The following MTMR8 variants were observed in gnomAD, a reference collection of about 807,000 sequenced individuals.
The protein encoded by MTMR8 is myotubularin related protein 8.
A neutral mutation model predicts 39.3 loss-of-function variants in MTMR8; 65 were observed. The observed-to-expected ratio is 1.65, with a 90% CI of 1.35 to 2.03. The LOEUF (loss-of-function observed/expected upper bound fraction) is 2.03. MTMR8 is among the 30% of genes most tolerant of loss of function. The pLI is 0.00. For synonymous variants in MTMR8, 245 were observed against 185.2 expected (o/e 1.32, Z -2.62); for missense variants, 777 against 538.9 (o/e 1.44, Z -4.37).
At chrX:64,307,682 G>A (rs1310686825) in intron 12 of MTMR8, among the ~76,000 whole-genome samples, 1 of 111,096 alleles carries the variant, frequency 9.0e-6, no homozygotes, top group Non-Finnish European at 1.9e-5. Flanking sequence ...TTCTACCTCC[G>A]CTGACTTTAC....
chrX:64,312,813 C>G (rs1289752931), intron 12 of MTMR8, among the ~76,000 whole-genome samples: 3 of 112,246 alleles, frequency 2.7e-5, no homozygotes, highest in African/African-American at 9.7e-5. Context: ...CATCTGCATG[C>G]AGATCTCCAT....
intron 1 of MTMR8, among the ~76,000 whole-genome samples, chrX:64,360,583 T>A (rs2081023415): frequency 9.0e-6 from 1 of 110,676 alleles, no homozygotes; most frequent in South Asian, 3.7e-4. Context: ...ACGTTCAATA[T>A]CATACAGTTT....
At chrX:64,276,445 C>T (rs992247577) in intron 12 of MTMR8, among the ~76,000 whole-genome samples, 5 of 111,436 alleles carry the variant, frequency 4.5e-5, no homozygotes, top group East Asian at 2.8e-4. Flanking sequence ...TCCCTCTAAA[C>T]GCTGTGTCTT....
intron 1 of MTMR8, among the ~76,000 whole-genome samples, chrX:64,364,080 G>T (rs1263263244): frequency 8.9e-6 from 1 of 112,470 alleles, no homozygotes; most frequent in Non-Finnish European, 1.9e-5. Flanking sequence ...AAACAAAGCT[G>T]CCAGGAAGCT....
chrX:64,392,191 T>C (rs1924707123), intron 1 of MTMR8, among the ~76,000 whole-genome samples: 1 of 111,602 alleles, frequency 9.0e-6, no homozygotes, highest in Non-Finnish European at 1.9e-5. Flanking sequence ...TAGATGAACA[T>C]ATGCATATTC....
chrX:64,359,533 A>G lies in MTMR8; in HGVS notation c.25-6T>C. On this transcript the variant is annotated splice_region_variant and splice_polypyrimidine_tract_variant and intron_variant, in intron 1 of 13. Coordinates refer to ENST00000374852, the MANE Select transcript of MTMR8 (RefSeq NM_017677.4). ...ACCAATTTCACGTTTTCTACCTGTT[A>G]TTGGAGGAAAAAATACTGAATAAGT... 2 of 1,194,206 alleles carry G rather than the reference A, an allele frequency of 1.7e-6. No homozygotes were observed. The highest frequency in any genetic ancestry group is 2.3e-6 in the Non-Finnish European group (2 of 885,485).
intron 8 of MTMR8, among the ~76,000 whole-genome samples, chrX:64,341,433 C>T (rs1393770174): frequency 7.2e-5 from 7 of 97,681 alleles, no homozygotes; most frequent in Non-Finnish European, 1.0e-4. Flanking sequence ...GAACCGAGAT[C>T]GTGCCACTGC....
intron 12 of MTMR8, among the ~76,000 whole-genome samples, chrX:64,309,755 C>G (rs1922237871): frequency 8.9e-6 from 1 of 112,239 alleles, no homozygotes; most frequent in Non-Finnish European, 1.9e-5. Flanking sequence ...TAAAGCCAGT[C>G]ACACAATTTT....
In MTMR8 at chrX:64,268,698, A is replaced by AGTCTT; in HGVS notation, c.1949_1953dup (p.Leu652LysfsTer3). The AGTCTT allele has an allele frequency of 1.7e-6, 2 of 1,211,297 alleles. No homozygotes were observed. The highest frequency in any genetic ancestry group is 2.2e-6 in the Non-Finnish European group (2 of 895,418). ...ATGTCCATGGCCCCACAGATTCCTA[A>AGTCTT]GTCTTTGGAGAAGCCCGTAGCCTCA... On this transcript the variant is annotated frameshift_variant, in exon 14 of 14. Transcript: ENST00000374852. LOFTEE classifies it low-confidence loss of function (END_TRUNC).
At chrX:64,330,823 G>A (rs1379894612) in intron 11 of MTMR8, among the ~76,000 whole-genome samples, 1 of 111,719 alleles carries the variant, frequency 9.0e-6, no homozygotes, top group East Asian at 2.8e-4. Context: ...AAATAGTCTA[G>A]TATTGCCAGA....
chrX:64,310,693 C>CTT (rs1451979579), intron 12 of MTMR8, among the ~76,000 whole-genome samples: 1 of 109,536 alleles, frequency 9.1e-6, no homozygotes, highest in African/African-American at 3.3e-5. Flanking sequence ...ATGTTCCTTA[C>CTT]CCTGTGTCCA....
chrX:64,329,686 C>T (rs1456962675), intron 11 of MTMR8, among the ~76,000 whole-genome samples: 1 of 111,018 alleles, frequency 9.0e-6, no homozygotes, highest in Non-Finnish European at 1.9e-5. Flanking sequence ...TAAAGGAGAA[C>T]TGAAGAGTGA....
intron 12 of MTMR8, among the ~76,000 whole-genome samples, chrX:64,321,652 C>T (rs1018642893): frequency 1.8e-5 from 2 of 111,336 alleles, no homozygotes; most frequent in African/African-American, 6.5e-5. Flanking sequence ...TAGAAAGGAG[C>T]GGAAAGAATA....
intron 12 of MTMR8, among the ~76,000 whole-genome samples, chrX:64,283,064 C>A (rs1921017180): frequency 8.9e-6 from 1 of 112,078 alleles, no homozygotes; most frequent in African/African-American, 3.2e-5. Flanking sequence ...TCAGGGAATT[C>A]CCTTTCATAG....
chrX:64,304,858 A>AC (rs2147204527), intron 12 of MTMR8, among the ~76,000 whole-genome samples: 1 of 43,233 alleles, frequency 2.3e-5, no homozygotes, highest in East Asian at 7.7e-4. Context: ...TGGATCAAAC[A>AC]TTTATATATA....
At chrX:64,339,244 G>A (rs1923154013) in intron 8 of MTMR8, among the ~76,000 whole-genome samples, 1 of 111,235 alleles carries the variant, frequency 9.0e-6, no homozygotes, top group Non-Finnish European at 1.9e-5. Context: ...GCAGAGGAAG[G>A]AGGATTATTA....
At chrX:64,287,283 A>C (rs1389739957) in intron 12 of MTMR8, among the ~76,000 whole-genome samples, 17 of 111,209 alleles carry the variant, frequency 1.5e-4, no homozygotes, top group Non-Finnish European at 3.2e-4. Flanking sequence ...CTTCAAGGAG[A>C]ACTACAAACC....
chrX:64,337,384 C>T lies in MTMR8; in HGVS notation c.985G>A (p.Val329Ile). 7 of 1,208,315 alleles carry T rather than the reference C, an allele frequency of 5.8e-6. No individual in the cohort carries two copies. Among genetic ancestry groups the T allele is most frequent in the Non-Finnish European group, 6.7e-6 (6 of 893,930 alleles). ...TGGACTAAGACACTGGCCTTTTCTACCTTCACTGCCTGTGAAGACAAGAGG... is the reference window on the plus strand; with the variant it reads ...TGGACTAAGACACTGGCCTTTTCTATCTTCACTGCCTGTGAAGACAAGAGG... ...AGIFITKAVK[V>I]EKASVLVHCS... is the part of the protein sequence containing the mutation. Residue 329 changes from valine to isoleucine, a missense_variant, in exon 9 of 14, where the codon GTA (valine) becomes ATA (isoleucine). Coordinates refer to ENST00000374852, the MANE Select transcript of MTMR8 (RefSeq NM_017677.4).
At chrX:64,382,090 C>CT (rs1276993586) in intron 1 of MTMR8, among the ~76,000 whole-genome samples, 1 of 111,494 alleles carries the variant, frequency 9.0e-6, no homozygotes, top group Non-Finnish European at 1.9e-5. Flanking sequence ...AATGTGGGCT[C>CT]TTTTTTGGTT....
Sources: allele counts gnomAD v4.1 joint callset (sites outside exome capture counted in the v4.1 genomes callset), GRCh38; gene constraint gnomAD v4.1.1; transcripts MANE v1.5; gene names NCBI Gene and HGNC (gene_info 2026-07-23, HGNC 2026-07-21).